Variants in TBCK observed in about 807,000 individuals in gnomAD.
The protein encoded by TBCK is TBC1 domain containing kinase, also known as TBC domain-containing protein kinase-like protein.
In TBCK, 99 loss-of-function variants were observed where a neutral mutation model predicts 113.4. The ratio of observed to expected loss-of-function variants is 0.87; its 90% confidence interval spans 0.74 to 1.03. The LOEUF (loss-of-function observed/expected upper bound fraction) is 1.03. Ranked by LOEUF, TBCK falls within the 50% of genes least tolerant of loss-of-function variation. TBCK has a pLI of 0.00. For synonymous variants in TBCK, 369 were observed against 370.8 expected (o/e 1.00, Z 0.05); for missense variants, 1,045 against 1,061.3 (o/e 0.98, Z 0.21).
intron 22 of TBCK, among the ~76,000 whole-genome samples, chr4:106,180,637 G>A (rs1752245788): frequency 6.6e-6 from 1 of 151,964 alleles, no homozygotes; most frequent in Non-Finnish European, 1.5e-5. Flanking sequence ...TGCAGTATTT[G>A]GTTTTCTATC....
chr4:106,280,578 C>T (rs1011525913), intron 3 of TBCK, among the ~76,000 whole-genome samples: 1 of 152,074 alleles, frequency 6.6e-6, no homozygotes, highest in Non-Finnish European at 1.5e-5. Context: ...AGATTTAAGT[C>T]TTTAATCCAT....
At chr4:106,151,738 CT>C (rs1255582009) in intron 23 of TBCK, among the ~76,000 whole-genome samples, 1 of 151,820 alleles carries the variant, frequency 6.6e-6, no homozygotes, top group Non-Finnish European at 1.5e-5. Context: ...AATCTCTTTC[CT>C]TTTTTTGTAT....
At chr4:106,192,122 T>C (rs1579189937) in intron 22 of TBCK, among the ~76,000 whole-genome samples, 1 of 152,236 alleles carries the variant, frequency 6.6e-6, no homozygotes, top group East Asian at 1.9e-4. Flanking sequence ...CAGTCGACCA[T>C]AAAATACACA....
chr4:106,059,190 C>A (rs62320117), intron 25 of TBCK, among the ~76,000 whole-genome samples: 2 of 112,918 alleles, frequency 1.8e-5, no homozygotes, highest in African/African-American at 6.2e-5. Flanking sequence ...AGTTTTGTTA[C>A]CTGTTAAATG....
At chr4:106,210,129 C>G (rs1755961911) in intron 20 of TBCK, among the ~76,000 whole-genome samples, 1 of 152,042 alleles carries the variant, frequency 6.6e-6, no homozygotes, top group African/African-American at 2.4e-5. Context: ...GTATAAAAAA[C>G]AGCCTTGGAA....
At chr4:106,125,295 C>T (rs1745056565) in intron 23 of TBCK, among the ~76,000 whole-genome samples, 1 of 152,200 alleles carries the variant, frequency 6.6e-6, no homozygotes, top group South Asian at 2.1e-4. Flanking sequence ...CAGCGCTATT[C>T]ACAATAGCCA....
intron 20 of TBCK, among the ~76,000 whole-genome samples, chr4:106,212,017 C>T (rs1040981334): frequency 2.9e-4 from 44 of 151,978 alleles, no homozygotes; most frequent in African/African-American, 1.0e-3. Flanking sequence ...ATGAATAATA[C>T]ATTCACAGTG....
intron 8 of TBCK, 139 bp from the exon 9 acceptor site, chr4:106,248,445 A>T: frequency 1.7e-6 from 1 of 582,914 alleles, no homozygotes; most frequent in Non-Finnish European, 2.9e-6. Context: ...GTCACTGTGA[A>T]AAAGCAAATA....
chr4:106,109,996 AT>A (rs111233647), intron 24 of TBCK, among the ~76,000 whole-genome samples: 4,185 of 152,328 alleles, frequency 0.027, 185 homozygotes, highest in African/African-American at 0.096. Flanking sequence ...ACAAGGGGAT[AT>A]AAAGGAATTG....
intron 19 of TBCK, among the ~76,000 whole-genome samples, chr4:106,218,886 C>G (rs1159860868): frequency 1.4e-5 from 2 of 139,760 alleles, no homozygotes; most frequent in Non-Finnish European, 3.2e-5. Flanking sequence ...ACCCAAAGGA[C>G]TATAAATCAT....
rs1018821479 is a variant in TBCK, at chr4:106,251,775, A to G, written c.597+91T>C. The G allele has an allele frequency of 1.0e-5, 12 of 1,173,342 alleles. No homozygotes were observed. The African/African-American group carries it at 1.9e-4, about 18-fold the overall frequency. 72.7% of individuals were successfully genotyped at this position (1,173,342 alleles called of 1,614,324 possible). Reference sequence around the variant, plus strand: ...TCATATGTAATTAATTTGTACAGCAAAAACATACTATTATTAACTTTCCTC... The same window carrying G: ...TCATATGTAATTAATTTGTACAGCAGAAACATACTATTATTAACTTTCCTC... On this transcript the variant is annotated intron_variant, in intron 6 of 25. Transcript: ENST00000394708.
At chr4:106,142,288 A>T (rs957342367) in intron 23 of TBCK, among the ~76,000 whole-genome samples, 2 of 152,158 alleles carry the variant, frequency 1.3e-5, no homozygotes, top group Non-Finnish European at 2.9e-5. Context: ...TGGTTTGGAG[A>T]ACAAAGGATG....
chr4:106,201,986 G>A (rs371059351), intron 20 of TBCK, among the ~76,000 whole-genome samples: 55 of 152,016 alleles, frequency 3.6e-4, no homozygotes, highest in African/African-American at 8.9e-4. Flanking sequence ...TGCACTTTGC[G>A]ACCTGATAAA....
At chr4:106,231,652 A>G (rs1028650170) in intron 18 of TBCK, 77 bp downstream of exon 18, 1 of 1,404,878 alleles carries the variant, frequency 7.1e-7, no homozygotes, top group Non-Finnish European at 9.8e-7. Context: ...TAAAACAAAA[A>G]CAAAAACCTT....
rs986736463 is a variant in TBCK at position 106,044,818 on chromosome 4, G to T, written c.*1752C>A. On this transcript the variant is annotated 3_prime_UTR_variant, in exon 26 of 26. Coordinates refer to ENST00000394708, the MANE Select transcript of TBCK (RefSeq NM_001163435.3). ...TCTCAATTTAAAAAGTAGATGCAAA[G>T]AAAAAATAAAATAAAGTAAACAATA... The T allele has an allele frequency of 6.6e-6, 1 of 152,084 alleles. No individual in the cohort carries two copies. The highest frequency in any genetic ancestry group is 2.4e-5 in the African/African-American group (1 of 41,432). 9.4% of individuals were successfully genotyped at this position (152,084 alleles called of 1,614,324 possible).
chr4:106,266,118 T>A (rs953268803), intron 3 of TBCK, among the ~76,000 whole-genome samples: 4 of 151,692 alleles, frequency 2.6e-5, no homozygotes, highest in African/African-American at 9.7e-5. Flanking sequence ...TTAAAAAAAA[T>A]TATTTGTAAC....
chr4:106,071,002 G>C (rs1222897565), intron 25 of TBCK, among the ~76,000 whole-genome samples: 1 of 149,342 alleles, frequency 6.7e-6, no homozygotes, highest in Non-Finnish European at 1.5e-5. Context: ...CCTTTTATTA[G>C]TCTTGCTAGT....
At chr4:106,125,657 G>T (rs1341778759) in intron 23 of TBCK, among the ~76,000 whole-genome samples, 6 of 152,122 alleles carry the variant, frequency 3.9e-5, no homozygotes, top group African/African-American at 1.4e-4. Flanking sequence ...TAAATAAGTT[G>T]ATCTCATGGA....
At chr4:106,129,798 G>A (rs1184818454) in intron 23 of TBCK, among the ~76,000 whole-genome samples, 4 of 152,140 alleles carry the variant, frequency 2.6e-5, no homozygotes, top group Non-Finnish European at 5.9e-5. Flanking sequence ...CTCTCCACTG[G>A]TCTCCACCTT....
Sources: gnomAD v4.1 joint callset for allele counts (sites outside exome capture counted in the v4.1 genomes callset) on GRCh38, gnomAD v4.1.1 for gene constraint, MANE v1.5 for transcripts, NCBI Gene and HGNC (gene_info 2026-07-23, HGNC 2026-07-21) for gene names.